Variants in MAP3K20 observed in about 807,000 individuals in gnomAD.
MAP3K20 encodes the protein mitogen-activated protein kinase kinase kinase 20.
In MAP3K20, 40 loss-of-function variants were observed where a neutral mutation model predicts 85.7. That is an observed-to-expected ratio of 0.47 (90% CI 0.36 to 0.61). The LOEUF (loss-of-function observed/expected upper bound fraction) is 0.61. Ranked by LOEUF, MAP3K20 falls within the 20% of genes least tolerant of loss-of-function variation. The probability of loss-of-function intolerance (pLI) is 0.00; values close to 1 mark genes in which losing one functional copy is unlikely to be tolerated. For synonymous variants in MAP3K20, 325 were observed against 327.7 expected (o/e 0.99, Z 0.09); for missense variants, 817 against 961.7 (o/e 0.85, Z 1.99).
intron 16 of MAP3K20, among the ~76,000 whole-genome samples, chr2:173,241,600 G>T (rs1684785330): frequency 6.6e-6 from 1 of 152,112 alleles, no homozygotes; most frequent in Non-Finnish European, 1.5e-5. Context: ...GGGCAACAGA[G>T]TAAGACATCA....
chr2:173,167,690 C>T (rs150237815), intron 2 of MAP3K20, among the ~76,000 whole-genome samples: 2 of 152,146 alleles, frequency 1.3e-5, no homozygotes, highest in Non-Finnish European at 2.9e-5. Flanking sequence ...ACATGCTTAC[C>T]GGCACCTGAA....
rs1685455409 is a variant in MAP3K20, at chr2:173,267,714, A to C, written c.*964A>C. Reference sequence around the variant, plus strand: ...GCCTCTTGGGATGTCAGAAATCTAAAATCTAAAAGAAAACAGACACAGAGC... The same window carrying C: ...GCCTCTTGGGATGTCAGAAATCTAACATCTAAAAGAAAACAGACACAGAGC... On this transcript the variant is annotated 3_prime_UTR_variant, in exon 20 of 20. Coordinates refer to ENST00000375213, the MANE Select transcript of MAP3K20 (RefSeq NM_016653.3). 1 of 152,246 alleles carries C rather than the reference A, an allele frequency of 6.6e-6. No homozygotes were observed. The highest frequency in any genetic ancestry group is 2.1e-4 in the South Asian group (1 of 4,832). 9.4% of individuals were successfully genotyped at this position (152,246 alleles called of 1,614,324 possible).
intron 2 of MAP3K20, among the ~76,000 whole-genome samples, chr2:173,136,621 G>A (rs774407930): frequency 6.6e-5 from 10 of 152,080 alleles, no homozygotes; most frequent in East Asian, 1.9e-4. Context: ...TGTGCTCTCC[G>A]GCTTCACCTC....
At chr2:173,112,925 G>A (rs781462942) in intron 2 of MAP3K20, among the ~76,000 whole-genome samples, 3 of 152,048 alleles carry the variant, frequency 2.0e-5, no homozygotes, top group Non-Finnish European at 4.4e-5. Flanking sequence ...GGTGATGCTG[G>A]CTTCATAGAA....
At chr2:173,131,771 G>A (rs1427479918) in intron 2 of MAP3K20, among the ~76,000 whole-genome samples, 1 of 152,174 alleles carries the variant, frequency 6.6e-6, no homozygotes, top group East Asian at 1.9e-4. Flanking sequence ...TGAACCTCAG[G>A]TTGCCTTGGG....
chr2:173,120,612 C>T (rs1448022099), intron 2 of MAP3K20, among the ~76,000 whole-genome samples: 1 of 151,440 alleles, frequency 6.6e-6, no homozygotes, highest in Admixed American at 6.6e-5. Flanking sequence ...ACTAAGATCT[C>T]CAAACTAACA....
rs58738902 is a variant in MAP3K20 at position 173,198,280 on chromosome 2, C to T, written c.669+168C>T. 1.8e-5 allele frequency: 9 copies of T among 502,094 alleles called. No homozygotes were observed. In the East Asian group the frequency reaches 2.9e-4, roughly 16 times the overall value. The allele number at this position is 502,094 out of a possible 1,614,324, so 31.1% of individuals were successfully genotyped here. A position where few individuals can be genotyped will look rare whatever the true frequency, so the allele number is the denominator to read the frequency against. On this transcript the variant is annotated intron_variant, in intron 8 of 19. Transcript: ENST00000375213. This position sits in a 1 kb window ranked among gnomAD's most constrained non-coding sequence, Gnocchi z 5.8. The stretch of plus-strand genomic sequence containing the variant: ...AGTGATGTTATTCCTCATGAATGGA[C>T]CCTTTACATCTAATTGTTGCAGCTT...
intron 7 of MAP3K20, among the ~76,000 whole-genome samples, chr2:173,191,804 G>C (rs780587625): frequency 5.9e-5 from 9 of 152,172 alleles, no homozygotes; most frequent in Admixed American, 1.3e-4. Flanking sequence ...ACTAATGAGG[G>C]GGTGGAGTGC....
intron 2 of MAP3K20, among the ~76,000 whole-genome samples, chr2:173,115,472 G>A (rs1688094216): frequency 6.6e-6 from 1 of 152,070 alleles, no homozygotes; most frequent in Non-Finnish European, 1.5e-5. Flanking sequence ...ATTTTTTTGG[G>A]GGGTGTTGAA....
Position 173,091,076 on chromosome 2 carries a change from C to G in MAP3K20, c.45C>G (p.Asp15Glu). 2 of 1,613,714 alleles carry G rather than the reference C, an allele frequency of 1.2e-6. No individual in the cohort carries two copies. Among genetic ancestry groups the G allele is most frequent in the Non-Finnish European group, 1.7e-6 (2 of 1,179,898 alleles). ...GASFVQIKFD[D>E]LQFFENCGGG... ...CCTTTGTGCAAATTAAATTTGATGA[C>G]TTGCAGTTTTTTGAAAACTGCGGTG... is the stretch of plus-strand genomic sequence containing the variant. Residue 15 changes from aspartate (D) to glutamate (E), a missense_variant, in exon 2 of 20, where the codon GAC (aspartate) becomes GAG (glutamate). By Grantham distance (45) the Asp-to-Glu change is conservative (BLOSUM62 2). This residue lies in a region of MAP3K20 where 200 missense variants were observed against 302.7 expected (regional missense o/e 0.66). Transcript: ENST00000375213.
intron 2 of MAP3K20, chr2:173,166,871 A>G (rs1689838870): frequency 6.6e-6 from 1 of 151,870 alleles, no homozygotes; most frequent in South Asian, 2.1e-4. Context: ...CAATTCAGTG[A>G]CAAATTATTT....
intron 2 of MAP3K20, among the ~76,000 whole-genome samples, chr2:173,102,626 G>A (rs924410460): frequency 6.6e-6 from 1 of 152,172 alleles, no homozygotes; most frequent in Non-Finnish European, 1.5e-5. Flanking sequence ...AGGTGCATTA[G>A]AGAAGCAGCA....
intron 5 of MAP3K20, among the ~76,000 whole-genome samples, chr2:173,189,587 A>T (rs1330451656): frequency 6.6e-6 from 1 of 152,166 alleles, no homozygotes; most frequent in Non-Finnish European, 1.5e-5. Context: ...ATTTTTTAAG[A>T]CACTAAAATA....
In MAP3K20 at chr2:173,239,437, A is replaced by C. The variant is rs757299498; in HGVS notation, c.1300A>C (p.Lys434Gln). 1 of 1,613,780 alleles carries C rather than the reference A, an allele frequency of 6.2e-7. No individual in the cohort carries two copies. The highest frequency in any genetic ancestry group is 1.7e-5 in the Admixed American group (1 of 59,908). Residue 434 changes from lysine to glutamine, a missense_variant, in exon 16 of 20, where the codon AAA (lysine) becomes CAA (glutamine). By Grantham distance (53) the Lys-to-Gln change is moderately conservative. This residue lies in a region of MAP3K20 where 454 missense variants were observed against 476.9 expected (regional missense o/e 0.95). Coordinates refer to ENST00000375213, the MANE Select transcript of MAP3K20 (RefSeq NM_016653.3). ...AGGTGAACCTGAAGAAAATGAGGAAAAAATAGTGAACCTGGAACTGGTTTT... is the reference window on the plus strand; with the variant it reads ...AGGTGAACCTGAAGAAAATGAGGAACAAATAGTGAACCTGGAACTGGTTTT... ...SGGEPEENEE[K>Q]IVNLELVFGF...
chr2:173,095,279 G>A (rs548976956), intron 2 of MAP3K20, among the ~76,000 whole-genome samples: 1 of 152,018 alleles, frequency 6.6e-6, no homozygotes, highest in East Asian at 1.9e-4. Context: ...AGATGTACTA[G>A]GCTCATCTAG....
chr2:173,169,510 C>T (rs1306920042), intron 2 of MAP3K20, among the ~76,000 whole-genome samples: 3 of 151,484 alleles, frequency 2.0e-5, no homozygotes, highest in Non-Finnish European at 4.4e-5. Flanking sequence ...TGCTTGAGCC[C>T]AAGAGTTCGA....
intron 14 of MAP3K20, among the ~76,000 whole-genome samples, chr2:173,234,039 C>T (rs568565626): frequency 6.6e-6 from 1 of 152,286 alleles, no homozygotes; most frequent in East Asian, 1.9e-4. Context: ...CTTAGGTGGG[C>T]CACAGTAGGA....
intron 2 of MAP3K20, among the ~76,000 whole-genome samples, chr2:173,108,144 T>TTA (rs1553564098): frequency 7.6e-6 from 1 of 131,310 alleles, no homozygotes; most frequent in Non-Finnish European, 1.8e-5. Flanking sequence ...TTTTTTTTTT[T>TTA]ATTTTTTTTT....
intron 2 of MAP3K20, among the ~76,000 whole-genome samples, chr2:173,120,956 C>G (rs566441991): frequency 1.3e-5 from 2 of 152,052 alleles, no homozygotes; most frequent in Admixed American, 1.3e-4. Flanking sequence ...ATCCACCCGC[C>G]TCAGCCTCCC....
Sources: gnomAD v4.1 joint callset for allele counts (sites outside exome capture counted in the v4.1 genomes callset) on GRCh38, gnomAD v4.1.1 for gene constraint, gnomAD v4.1.1 regional missense constraint, Gnocchi (gnomAD v3.1) non-coding constraint, MANE v1.5 for transcripts, NCBI Gene and HGNC (gene_info 2026-07-23, HGNC 2026-07-21) for gene names.